CCDC85A: variants seen among roughly 807,000 people sequenced by gnomAD.
CCDC85A encodes coiled-coil domain containing 85A, also known as coiled-coil domain-containing protein 85A.
In CCDC85A, 38 loss-of-function variants were observed where a neutral mutation model predicts 50.2. That is an observed-to-expected ratio of 0.76 (90% CI 0.58 to 0.99). CCDC85A has a LOEUF of 0.99. Among genes scored for constraint, CCDC85A ranks in the 50% least tolerant of loss-of-function variants. CCDC85A has a pLI of 0.00. For synonymous variants in CCDC85A, 366 were observed against 301.4 expected (o/e 1.21, Z -2.22); for missense variants, 820 against 742.0 (o/e 1.11, Z -1.22).
intron 3 of CCDC85A, among the ~76,000 whole-genome samples, chr2:56,361,791 T>A (rs1029939251): frequency 1.2e-4 from 18 of 152,178 alleles, no homozygotes; most frequent in Admixed American, 1.3e-4. Context: ...GTCGATGGAA[T>A]GCTATTGGAG....
intron 2 of CCDC85A, among the ~76,000 whole-genome samples, chr2:56,283,070 T>C (rs2104110711): frequency 6.6e-6 from 1 of 152,338 alleles, no homozygotes; most frequent in Non-Finnish European, 1.5e-5. Flanking sequence ...TTAGGATTTT[T>C]ATGTAAACAA....
intron 2 of CCDC85A, among the ~76,000 whole-genome samples, chr2:56,279,743 A>G (rs1206389666): frequency 1.3e-5 from 2 of 152,162 alleles, no homozygotes; most frequent in Non-Finnish European, 2.9e-5. Flanking sequence ...GTTGCTGCAA[A>G]TACAGGAATA....
intron 2 of CCDC85A, among the ~76,000 whole-genome samples, chr2:56,230,570 T>A (rs1668732379): frequency 6.6e-6 from 1 of 152,184 alleles, no homozygotes; most frequent in Non-Finnish European, 1.5e-5. Flanking sequence ...TGAATGCTCT[T>A]CCTCACGTCT....
Position 56,316,375 on chromosome 2 carries a change from G to T in CCDC85A, c.1241-26504G>T, listed in dbSNP as rs75026601. Among the ~76,000 whole-genome samples, 1,215 of 152,070 alleles carry T rather than the reference G, an allele frequency of 8.0e-3. 25 individuals are homozygous for T. Among genetic ancestry groups the T allele is most frequent in the African/African-American group, 0.028 (1,141 of 41,490 alleles). On this transcript the variant is annotated intron_variant, in intron 2 of 5. Coordinates refer to ENST00000407595, the MANE Select transcript of CCDC85A (RefSeq NM_001080433.2). ...ATATATTTAGACAAAACCTCAGAAT[G>T]TTCTGTTTTATACTGGGTCTGAGGA...
chr2:56,223,248 G>T (rs1188470535), intron 2 of CCDC85A, among the ~76,000 whole-genome samples: 1 of 152,026 alleles, frequency 6.6e-6, no homozygotes, highest in African/African-American at 2.4e-5. Flanking sequence ...TAGAGAGAGG[G>T]GTTAGCAAAC....
intron 2 of CCDC85A, among the ~76,000 whole-genome samples, chr2:56,282,466 T>C (rs1452413865): frequency 1.3e-5 from 2 of 152,234 alleles, no homozygotes; most frequent in Non-Finnish European, 2.9e-5. Context: ...GTGTTGTGTC[T>C]ATATATTTTA....
At chr2:56,221,720 CAG>C (rs1472772099) in intron 2 of CCDC85A, among the ~76,000 whole-genome samples, 2 of 152,008 alleles carry the variant, frequency 1.3e-5, no homozygotes, top group East Asian at 3.9e-4. Flanking sequence ...TATTTGAAAA[CAG>C]AATCATAAAA....
intron 2 of CCDC85A, among the ~76,000 whole-genome samples, chr2:56,230,934 G>T (rs1444883479): frequency 6.6e-6 from 1 of 152,062 alleles, no homozygotes; most frequent in Non-Finnish European, 1.5e-5. Flanking sequence ...GCTACTGAGG[G>T]TCTGCTTGGG....
intron 2 of CCDC85A, among the ~76,000 whole-genome samples, chr2:56,271,101 C>G (rs1046166275): frequency 2.0e-5 from 3 of 152,194 alleles, no homozygotes; most frequent in Non-Finnish European, 4.4e-5. Flanking sequence ...GAACCCAGAT[C>G]AGTCTGGCCA....
At chr2:56,218,281 A>G (rs1008587288) in intron 2 of CCDC85A, among the ~76,000 whole-genome samples, 1 of 151,856 alleles carries the variant, frequency 6.6e-6, no homozygotes, top group Non-Finnish European at 1.5e-5. Flanking sequence ...GCAGAACTAT[A>G]TATGTAAAAG....
At chr2:56,383,877 CT>C in intron 5 of CCDC85A, 2 of 502,382 alleles carry the variant, frequency 4.0e-6, no homozygotes, top group Non-Finnish European at 5.1e-6. Context: ...ACTTTTAGAG[CT>C]TTTTTTAAAA....
intron 2 of CCDC85A, among the ~76,000 whole-genome samples, chr2:56,201,969 A>G (rs999754290): frequency 2.6e-5 from 4 of 152,210 alleles, no homozygotes; most frequent in Admixed American, 6.5e-5. Context: ...GTAGAGGACT[A>G]GAAAGAATCA....
intron 2 of CCDC85A, among the ~76,000 whole-genome samples, chr2:56,298,736 G>C (rs1428736379): frequency 2.0e-5 from 3 of 152,168 alleles, no homozygotes; most frequent in Non-Finnish European, 2.9e-5. Context: ...GGAATTAGGA[G>C]AGGCAGTGAT....
intron 1 of CCDC85A, among the ~76,000 whole-genome samples, chr2:56,188,190 C>T (rs554675676): frequency 1.2e-4 from 19 of 152,268 alleles, no homozygotes; most frequent in Admixed American, 5.9e-4. Flanking sequence ...AAGCCCAAGT[C>T]TTAGTGAGGC....
chr2:56,184,380 G>C lies in CCDC85A; in HGVS notation c.-245G>C, dbSNP rs1675897962. On this transcript the variant is annotated 5_prime_UTR_variant, in exon 1 of 6. Transcript: ENST00000407595. ...CCATGGACTTGCGCGGAGTTGGGACGGGCCTCGGCAGCAGCAAGCGGCTGG... is the reference window on the plus strand; with the variant it reads ...CCATGGACTTGCGCGGAGTTGGGACCGGCCTCGGCAGCAGCAAGCGGCTGG... The C allele has an allele frequency of 2.0e-6, 1 of 488,874 alleles. No individual in the cohort carries two copies. The allele number at this position is 488,874 out of a possible 1,614,324, so 30.3% of individuals were successfully genotyped here.
chr2:56,338,071 C>T (rs1159192537), intron 2 of CCDC85A, among the ~76,000 whole-genome samples: 1 of 152,156 alleles, frequency 6.6e-6, no homozygotes, highest in Non-Finnish European at 1.5e-5. Flanking sequence ...GCTTGAGCCA[C>T]CTAGCCAGCT....
At chr2:56,185,412 C>T (rs1207585754) in intron 1 of CCDC85A, among the ~76,000 whole-genome samples, 1 of 152,120 alleles carries the variant, frequency 6.6e-6, no homozygotes, top group Admixed American at 6.5e-5. Context: ...GCGCCACCCT[C>T]AGAGCAGTCT....
chr2:56,191,361 T>C (rs1676288382), intron 1 of CCDC85A, among the ~76,000 whole-genome samples: 1 of 152,218 alleles, frequency 6.6e-6, no homozygotes, highest in Admixed American at 6.5e-5. Flanking sequence ...CCACCTGGAC[T>C]GGTACCTGGT....
Position 56,384,365 on chromosome 2 carries a change from T to A in CCDC85A, c.*10T>A. The A allele has an allele frequency of 6.2e-7, 1 of 1,606,046 alleles. No individual in the cohort carries two copies. The highest frequency in any genetic ancestry group is 8.5e-7 in the Non-Finnish European group (1 of 1,173,958). Reference sequence around the variant, plus strand: ...CAAAGGACCAATGTGAGATGCACTCTTTTTCAAACAGGAGATCACCACTGC... The same window carrying A: ...CAAAGGACCAATGTGAGATGCACTCATTTTCAAACAGGAGATCACCACTGC... On this transcript the variant is annotated 3_prime_UTR_variant, in exon 6 of 6. Coordinates refer to ENST00000407595, the MANE Select transcript of CCDC85A (RefSeq NM_001080433.2).
Sources: gnomAD v4.1 joint callset for allele counts (sites outside exome capture counted in the v4.1 genomes callset) on GRCh38, gnomAD v4.1.1 for gene constraint, MANE v1.5 for transcripts, NCBI Gene and HGNC (gene_info 2026-07-23, HGNC 2026-07-21) for gene names.